ABCA13: variants seen among roughly 807,000 people sequenced by gnomAD.
The protein encoded by ABCA13 is ATP-binding cassette sub-family A member 13.
Under a neutral mutation model 478.7 loss-of-function variants are expected in ABCA13, and 476 were observed. That is an observed-to-expected ratio of 0.99 (90% CI 0.92 to 1.07). The LOEUF (loss-of-function observed/expected upper bound fraction) is 1.07. ABCA13 is among the 50% of genes least tolerant of loss of function. The pLI is 0.00. For missense variants in ABCA13, 6,060 were observed against 5,910.6 expected (o/e 1.03, Z -0.83); for synonymous variants, 2,252 against 2,158.9 (o/e 1.04, Z -1.20).
chr7:48,520,227 G>T lies in ABCA13; in HGVS notation c.13984G>T (p.Ala4662Ser), dbSNP rs199757904. The T allele has an allele frequency of 6.2e-7, 1 of 1,613,642 alleles. No homozygotes were observed. The highest frequency in any genetic ancestry group is 2.2e-5 in the East Asian group (1 of 44,774). ...TCTGGGCTGGATCTTCGTGCAACTG[G>T]CCTCGCAGGGCACAGTACTTCTCCT... ...NFLGWIFVQL[A>S]SQGTVLLLLR... Residue 4662 changes from alanine to serine, a missense_variant, in exon 53 of 62, where the codon GCC becomes TCC. Physicochemically the swap from Ala to Ser is moderately conservative, Grantham distance 99. Transcript: ENST00000435803.
chr7:48,391,055 G>A (rs1173009621), intron 37 of ABCA13, among the ~76,000 whole-genome samples: 1 of 152,164 alleles, frequency 6.6e-6, no homozygotes, highest in Non-Finnish European at 1.5e-5. Context: ...AAACAAGGAA[G>A]CAGAACTAGG....
chr7:48,171,555 G>A lies in ABCA13; in HGVS notation c.69+3G>A, dbSNP rs1206357751. On this transcript the variant is annotated splice_donor_region_variant and intron_variant, in intron 1 of 61. Coordinates refer to ENST00000435803, the MANE Select transcript of ABCA13 (RefSeq NM_152701.5). Reference sequence around the variant, plus strand: ...GGCTCTGCAGACTCAGGAACCCGGTGAGTGCTTGCCTTGGTTTTCCATAGG... The same window carrying A: ...GGCTCTGCAGACTCAGGAACCCGGTAAGTGCTTGCCTTGGTTTTCCATAGG... The A allele has an allele frequency of 3.3e-6, 5 of 1,536,346 alleles. No individual in the cohort carries two copies. The highest frequency in any genetic ancestry group is 4.4e-6 in the Non-Finnish European group (5 of 1,146,886).
intron 27 of ABCA13, among the ~76,000 whole-genome samples, chr7:48,318,828 G>A (rs1204788641): frequency 6.6e-6 from 1 of 151,690 alleles, no homozygotes; most frequent in Non-Finnish European, 1.5e-5. Flanking sequence ...TTAAAAATAG[G>A]CCATGACTTT....
At chr7:48,245,271 A>G (rs1253067387) in intron 11 of ABCA13, among the ~76,000 whole-genome samples, 1 of 152,202 alleles carries the variant, frequency 6.6e-6, no homozygotes, top group Non-Finnish European at 1.5e-5. Flanking sequence ...GGAGAGGGAA[A>G]AAGTGAGGGG....
At chr7:48,268,850 C>CTTTTTTTTTTTTTTTTTTTTTTTTTT (rs57201740) in intron 15 of ABCA13, 130 bp from the exon 16 acceptor site, 1 of 236,172 alleles carries the variant, frequency 4.2e-6, no homozygotes. Context: ...TCCTACTCAT[C>CTTTTTTTTTTTTTTTTTTTTTTTTTT]TTTTTTTTTT....
At chr7:48,277,247 G>T (rs887922168) in intron 17 of ABCA13, among the ~76,000 whole-genome samples, 1 of 152,068 alleles carries the variant, frequency 6.6e-6, no homozygotes, top group Non-Finnish European at 1.5e-5. Context: ...AGGCAGGGGC[G>T]CCCACAGCAG....
chr7:48,612,096 G>T (rs1792083641), intron 58 of ABCA13: 1 of 152,084 alleles, frequency 6.6e-6, no homozygotes, highest in Non-Finnish European at 1.5e-5. Context: ...CCAAGGCCTT[G>T]GGTTCTTTCC....
At chr7:48,186,991 G>A (rs1796429205) in intron 1 of ABCA13, among the ~76,000 whole-genome samples, 1 of 145,918 alleles carries the variant, frequency 6.9e-6, no homozygotes, top group African/African-American at 2.6e-5. Context: ...ATATATCTGT[G>A]TGTATATGCA....
chr7:48,448,266 T>C lies in ABCA13; in HGVS notation c.12566-6771T>C, dbSNP rs532573106. On this transcript the variant is annotated intron_variant, in intron 42 of 61. Coordinates refer to ENST00000435803, the MANE Select transcript of ABCA13 (RefSeq NM_152701.5). ...GGAAGCTCAGGTTTGGAAACTCAAG[T>C]GTGAAGCTGTTTAGAGACTGCAGGA... Among the ~76,000 whole-genome samples the C allele has an allele frequency of 2.2e-4, 34 of 152,312 alleles. 1 individual carries two copies. The South Asian group carries it at 6.4e-3, about 29-fold the overall frequency.
intron 59 of ABCA13, among the ~76,000 whole-genome samples, chr7:48,616,361 G>T (rs562668460): frequency 6.6e-6 from 1 of 152,012 alleles, no homozygotes; most frequent in South Asian, 2.1e-4. Context: ...AACTATTCTC[G>T]GTATGTACTC....
chr7:48,176,520 G>C (rs569767147), intron 1 of ABCA13, among the ~76,000 whole-genome samples: 6 of 152,230 alleles, frequency 3.9e-5, no homozygotes, highest in African/African-American at 1.4e-4. Flanking sequence ...GATTTAAAAG[G>C]CCACAGTGAT....
At chr7:48,289,994 A>G (rs1798285832) in intron 20 of ABCA13, among the ~76,000 whole-genome samples, 1 of 152,228 alleles carries the variant, frequency 6.6e-6, no homozygotes, top group Non-Finnish European at 1.5e-5. Context: ...CAAAAAGCAC[A>G]ATGCCATTTG....
intron 58 of ABCA13, among the ~76,000 whole-genome samples, chr7:48,596,493 T>G (rs1463604139): frequency 6.6e-6 from 1 of 152,184 alleles, no homozygotes; most frequent in African/African-American, 2.4e-5. Context: ...TCCCCCAAAT[T>G]TTCTCATGCT....
intron 55 of ABCA13, among the ~76,000 whole-genome samples, chr7:48,571,994 G>T (rs1391277026): frequency 6.6e-6 from 1 of 152,024 alleles, no homozygotes; most frequent in Non-Finnish European, 1.5e-5. Context: ...CCTGCCCAAC[G>T]TGGCAAAACC....
intron 15 of ABCA13, among the ~76,000 whole-genome samples, chr7:48,263,144 T>C (rs1341225640): frequency 1.3e-5 from 2 of 151,934 alleles, no homozygotes; most frequent in Admixed American, 6.6e-5. Context: ...ATATGTAGAA[T>C]TGTGGCCCCA....
At chr7:48,489,927 T>C (rs1829693705) in intron 48 of ABCA13, among the ~76,000 whole-genome samples, 1 of 152,224 alleles carries the variant, frequency 6.6e-6, no homozygotes, top group East Asian at 1.9e-4. Flanking sequence ...GTTAATTTAA[T>C]TTAGCTTCTT....
chr7:48,590,062 G>C (rs1011461040), intron 57 of ABCA13, among the ~76,000 whole-genome samples: 2 of 152,028 alleles, frequency 1.3e-5, no homozygotes, highest in African/African-American at 4.8e-5. Flanking sequence ...GAAATTTTCT[G>C]CCCTTTGACA....
At chr7:48,412,039 C>T (rs925096296) in intron 40 of ABCA13, among the ~76,000 whole-genome samples, 1 of 152,174 alleles carries the variant, frequency 6.6e-6, no homozygotes. Flanking sequence ...GTGACTCTCC[C>T]AGTGGACGGG....
chr7:48,424,777 T>C (rs910935511), intron 41 of ABCA13, among the ~76,000 whole-genome samples: 1 of 152,200 alleles, frequency 6.6e-6, no homozygotes, highest in Admixed American at 6.5e-5. Context: ...AGTGTGAGAA[T>C]TATAATGCAA....
Sources: allele counts gnomAD v4.1 joint callset (sites outside exome capture counted in the v4.1 genomes callset), GRCh38; gene constraint gnomAD v4.1.1; transcripts MANE v1.5; gene names NCBI Gene and HGNC (gene_info 2026-07-23, HGNC 2026-07-21).